Variants in KDM4C observed in about 807,000 individuals in gnomAD.
KDM4C encodes lysine-specific demethylase 4C.
A neutral mutation model predicts 129.3 loss-of-function variants in KDM4C; 81 were observed. That is an observed-to-expected ratio of 0.63 (90% CI 0.52 to 0.75). The LOEUF is 0.75. Ranked by LOEUF, KDM4C falls within the 30% of genes least tolerant of loss-of-function variation. The probability of loss-of-function intolerance (pLI) is 0.00; values close to 1 mark genes in which losing one functional copy is unlikely to be tolerated. For synonymous variants in KDM4C, 573 were observed against 456.1 expected, an observed-to-expected ratio of 1.26 and a Z score of -3.26; for missense variants, 1,457 against 1,304.0, an observed-to-expected ratio of 1.12 and a Z score of -1.81.
intron 8 of KDM4C, among the ~76,000 whole-genome samples, chr9:6,895,627 G>C (rs1444976230): frequency 6.6e-6 from 1 of 152,078 alleles, no homozygotes; most frequent in Non-Finnish European, 1.5e-5. Context: ...TTTGGGCTGG[G>C]GCAGTAGCTC....
chr9:6,844,128 T>A (rs1476259479), intron 4 of KDM4C, among the ~76,000 whole-genome samples: 1 of 152,182 alleles, frequency 6.6e-6, no homozygotes, highest in African/African-American at 2.4e-5. Context: ...TAAACCATCA[T>A]TTTTACGTAC....
intron 19 of KDM4C, among the ~76,000 whole-genome samples, chr9:7,164,660 C>G (rs998968159): frequency 6.6e-6 from 1 of 152,274 alleles, no homozygotes; most frequent in Middle Eastern, 3.4e-3. Flanking sequence ...CAAGTCCTAC[C>G]GGCTTCAATC....
chr9:7,027,352 A>G (rs942147449), intron 15 of KDM4C, among the ~76,000 whole-genome samples: 2 of 152,294 alleles, frequency 1.3e-5, no homozygotes, highest in East Asian at 3.9e-4. Flanking sequence ...TACTGTCTTC[A>G]TGTTCTTGGA....
chr9:7,016,613 A>G (rs995330383), intron 15 of KDM4C, among the ~76,000 whole-genome samples: 1 of 149,698 alleles, frequency 6.7e-6, no homozygotes, highest in Non-Finnish European at 1.5e-5. Context: ...TTTAGTAGAG[A>G]CGGGGTTTCA....
chr9:7,027,658 C>T lies in KDM4C; in HGVS notation c.2259+11729C>T, dbSNP rs186863884. On this transcript the variant is annotated intron_variant, in intron 15 of 21. Transcript: ENST00000381309. ...TCAGCAGATGGTGAAGCTAGCTAGG[C>T]TTGTGTCCTGCCCTTCATGATGGTG... is the stretch of plus-strand genomic sequence containing the variant. 5.9e-5 allele frequency among the ~76,000 whole-genome samples: 9 copies of T among 152,328 alleles called. No individual in the cohort carries two copies. In the East Asian group the frequency reaches 1.7e-3, roughly 29 times the overall value.
rs1267782327 is a variant in KDM4C at position 7,174,460 on chromosome 9, A to ACCCTAACCC, written c.2995-91_2995-83dup. On this transcript the variant is annotated intron_variant, in intron 21 of 21. Transcript: ENST00000381309. ...CTGAGCTGGTGACCTGGGCATCTGC[A>ACCCTAACCC]CCCTAACCCCAGCTGACCGAGTCAG... 4.8e-6 allele frequency: 6 copies of ACCCTAACCC among 1,249,414 alleles called. No homozygotes were observed. The African/African-American group carries it at 8.9e-5, about 19-fold the overall frequency. The allele number at this position is 1,249,414 out of a possible 1,614,324, so 77.4% of individuals were successfully genotyped here. A position where few individuals can be genotyped will look rare whatever the true frequency, so the allele number is the denominator to read the frequency against.
chr9:6,984,459 G>T (rs1049364988), intron 10 of KDM4C, 55 bp downstream of exon 10: 6 of 1,156,992 alleles, frequency 5.2e-6, no homozygotes, highest in Non-Finnish European at 7.7e-6. Flanking sequence ...TTGATGATCA[G>T]ATGTCTTAAA....
At chr9:7,002,877 T>A (rs1213505959) in intron 12 of KDM4C, among the ~76,000 whole-genome samples, 1 of 152,340 alleles carries the variant, frequency 6.6e-6, no homozygotes, top group Non-Finnish European at 1.5e-5. Flanking sequence ...ACTCTTGTGT[T>A]TTAGATAGAC....
chr9:6,844,283 T>A (rs1837472702), intron 4 of KDM4C, among the ~76,000 whole-genome samples: 2 of 126,204 alleles, frequency 1.6e-5, no homozygotes, highest in South Asian at 5.6e-4. Context: ...ATTTACACTA[T>A]TTTATTTTTA....
At chr9:6,746,246 T>TTATATA (rs749012885) in intron 1 of KDM4C, among the ~76,000 whole-genome samples, 23 of 116,060 alleles carry the variant, frequency 2.0e-4, no homozygotes, top group East Asian at 1.1e-3. Context: ...CAGCCAGCCA[T>TTATATA]TATATATATA....
chr9:6,953,749 A>C (rs529397823), intron 8 of KDM4C, among the ~76,000 whole-genome samples: 2 of 152,316 alleles, frequency 1.3e-5, no homozygotes, highest in African/African-American at 4.8e-5. Flanking sequence ...AGTTATGAGT[A>C]ATAGTGAATA....
At position 6,778,592 on chromosome 9, in the gene KDM4C, C is replaced by G. The variant is rs566804886; in HGVS notation, c.-17-14380C>G. 6.2e-4 allele frequency among the ~76,000 whole-genome samples: 94 copies of G among 151,204 alleles called. 1 individual carries two copies. Among genetic ancestry groups the G allele is most frequent in the Admixed American group, 2.0e-3 (31 of 15,190 alleles). On this transcript the variant is annotated intron_variant, in intron 1 of 21. Coordinates refer to ENST00000381309, the MANE Select transcript of KDM4C (RefSeq NM_015061.6). ...GACCAGCCTGACCAACATGGTGAAA[C>G]CCCGCCTCTACTAAAAATACAAAAA...
intron 3 of KDM4C, among the ~76,000 whole-genome samples, chr9:6,808,580 T>G (rs1464194486): frequency 6.8e-6 from 1 of 147,766 alleles, no homozygotes; most frequent in Non-Finnish European, 1.5e-5. Context: ...GTCCTCTGCC[T>G]AGGAAAACCA....
intron 8 of KDM4C, among the ~76,000 whole-genome samples, chr9:6,978,106 C>G (rs73397861): frequency 0.18 from 27,526 of 152,108 alleles, 2,842 homozygotes; most frequent in South Asian, 0.38. Context: ...ATTCTATTGT[C>G]AGCCCCATGA....
intron 8 of KDM4C, among the ~76,000 whole-genome samples, chr9:6,934,968 G>C (rs1362547701): frequency 6.6e-6 from 1 of 151,262 alleles, no homozygotes; most frequent in Non-Finnish European, 1.5e-5. Flanking sequence ...TCTTTCAGTA[G>C]TGATTTGGCT....
chr9:7,092,575 T>C (rs140301954), intron 17 of KDM4C, among the ~76,000 whole-genome samples: 24 of 152,312 alleles, frequency 1.6e-4, no homozygotes, highest in African/African-American at 5.3e-4. Flanking sequence ...AATATATATG[T>C]AGCTACACTT....
rs375941420 is a variant in KDM4C at position 7,128,115 on chromosome 9, C to A, written c.2660C>A (p.Thr887Lys). Residue 887 changes from threonine (T) to lysine (K), a missense_variant, in exon 19 of 22, where the codon ACG becomes AAG. Thr to Lys is a moderately conservative substitution (Grantham distance 78). Transcript: ENST00000381309. ...ATTTCCGTGGGTCAAACGGTCATCA[C>A]GAAGCATCGGAACACCCGGTATTAC... The part of the protein sequence containing the change: ...KVISVGQTVI[T>K]KHRNTRYYSC... 6.2e-7 allele frequency: 1 copy of A among 1,610,492 alleles called. No homozygotes were observed. Among genetic ancestry groups the A allele is most frequent in the Non-Finnish European group, 8.5e-7 (1 of 1,178,568 alleles).
At chr9:7,152,358 A>T (rs10739120) in intron 19 of KDM4C, among the ~76,000 whole-genome samples, 1 of 152,174 alleles carries the variant, frequency 6.6e-6, no homozygotes, top group Non-Finnish European at 1.5e-5. Flanking sequence ...CAAGTAAAAC[A>T]GAGTTTTTAA....
chr9:6,776,726 C>T (rs1243917838), intron 1 of KDM4C, among the ~76,000 whole-genome samples: 5 of 151,606 alleles, frequency 3.3e-5, no homozygotes, highest in African/African-American at 4.9e-5. Context: ...TCTCAGCCTC[C>T]GAGTGGCTGG....
Sources: allele counts gnomAD v4.1 joint callset (sites outside exome capture counted in the v4.1 genomes callset), GRCh38; gene constraint gnomAD v4.1.1; transcripts MANE v1.5; gene names NCBI Gene and HGNC (gene_info 2026-07-23, HGNC 2026-07-21).